Variants in OSMR observed in about 807,000 individuals in gnomAD.
OSMR encodes the protein oncostatin M receptor, also known as oncostatin-M-specific receptor subunit beta.
A neutral mutation model predicts 99.9 loss-of-function variants in OSMR; 81 were observed. The ratio of observed to expected loss-of-function variants is 0.81; its 90% CI spans 0.68 to 0.97. OSMR has a LOEUF of 0.97. OSMR is among the 50% of genes least tolerant of loss of function. The pLI is 0.00. For synonymous variants in OSMR, 406 were observed against 410.4 expected (o/e 0.99, Z 0.13); for missense variants, 1,099 against 1,153.4 (o/e 0.95, Z 0.68).
At chr5:38,942,978 T>G in intron 1 of OSMR, 1 of 1,590,272 alleles carries the variant, frequency 6.3e-7, no homozygotes. Context: ...AATTCTAAAA[T>G]AAAAGATTAT....
In OSMR at chr5:38,904,004, G is replaced by A. The variant is rs374234059; in HGVS notation, c.1114G>A (p.Gly372Ser). The A allele has an allele frequency of 2.5e-6, 4 of 1,613,962 alleles. No homozygotes were observed. The highest frequency in any genetic ancestry group is 4.5e-5 in the East Asian group (2 of 44,854). The change falls in exon 8 of 18, where the codon GGT (glycine) becomes AGT (serine). Residue 372 changes from glycine (G) to serine (S), a missense_variant. Transcript: ENST00000274276. ...FTYLCQIELH[G>S]EGKMMQYNVS... is the part of the protein sequence containing the mutation. ...ATATTTGTGTCAGATTGAACTCCAT[G>A]GTGAAGGAAAAATGATGCAAGTAAG... is the stretch of plus-strand genomic sequence containing the variant.
chr5:38,886,432 C>CT (rs1743777703), intron 7 of OSMR: 1 of 1,058,678 alleles, frequency 9.4e-7, no homozygotes, highest in South Asian at 2.3e-5. Context: ...AACTAGGACT[C>CT]TAACAATAAC....
intron 12 of OSMR, among the ~76,000 whole-genome samples, chr5:38,922,496 AG>A (rs1462894700): frequency 6.6e-6 from 1 of 152,076 alleles, no homozygotes; most frequent in Non-Finnish European, 1.5e-5. Context: ...AAATAACTGG[AG>A]GGGGATTTGG....
chr5:38,885,259 C>T (rs1743621757), intron 5 of OSMR, 90 bp from the exon 6 acceptor site: 2 of 1,590,874 alleles, frequency 1.3e-6, no homozygotes, highest in East Asian at 2.3e-5. Context: ...CACAGTAACT[C>T]TGTGGCTTCA....
intron 9 of OSMR, among the ~76,000 whole-genome samples, chr5:38,916,302 G>C (rs1360729369): frequency 6.6e-6 from 1 of 152,140 alleles, no homozygotes; most frequent in East Asian, 1.9e-4. Context: ...TGTCATGCAA[G>C]CTGAGCCTTC....
chr5:38,906,843 C>A (rs1226317581), intron 9 of OSMR, among the ~76,000 whole-genome samples: 2 of 152,012 alleles, frequency 1.3e-5, no homozygotes, highest in Admixed American at 6.6e-5. Flanking sequence ...TGAATCAGAT[C>A]AAAAATTACT....
intron 12 of OSMR, 106 bp downstream of exon 12, chr5:38,921,900 T>G: frequency 1.0e-6 from 1 of 956,264 alleles, no homozygotes; most frequent in Non-Finnish European, 1.7e-6. Flanking sequence ...AAGCTAGTAA[T>G]TTTGAAACGA....
rs1746930265 is a variant in OSMR at position 38,934,580 on chromosome 5, A to G, written c.*1136A>G. The G allele has an allele frequency of 6.6e-6, 1 of 152,120 alleles. No homozygotes were observed. The highest frequency in any genetic ancestry group is 1.5e-5 in the Non-Finnish European group (1 of 68,036). 9.4% of individuals were successfully genotyped at this position (152,120 alleles called of 1,614,324 possible). A position where few individuals can be genotyped will look rare whatever the true frequency, so the allele number is the denominator to read the frequency against. ...TTTTGGTGCAATCTCAGCTCACTGC[A>G]GCTTCCGCCTCCTAGATTCAAACAA... On this transcript the variant is annotated 3_prime_UTR_variant, in exon 18 of 18. Coordinates refer to ENST00000274276, the MANE Select transcript of OSMR (RefSeq NM_003999.3).
chr5:38,903,831 T>G, intron 7 of OSMR, 51 bp from the exon 8 acceptor site: 6 of 1,580,124 alleles, frequency 3.8e-6, no homozygotes, highest in Non-Finnish European at 5.2e-6. Context: ...TACCAATGTC[T>G]TTTTGGATCT....
At chr5:38,938,436 G>A, downstream of OSMR, 1 of 231,274 alleles carries the variant, frequency 4.3e-6, no homozygotes, top group African/African-American at 2.2e-5. Flanking sequence ...TGCATTTTGT[G>A]CTAAATCAAC....
chr5:38,850,221 T>C (rs776918711), intron 1 of OSMR, among the ~76,000 whole-genome samples: 9 of 152,232 alleles, frequency 5.9e-5, no homozygotes, highest in Non-Finnish European at 1.2e-4. Flanking sequence ...GTGATGTCAA[T>C]ACTGCTGGTC....
intron 1 of OSMR, among the ~76,000 whole-genome samples, chr5:38,852,718 ATTTTTTTTTTTTTT>A (rs61559728): frequency 0.022 from 1,567 of 70,746 alleles, 47 homozygotes; most frequent in African/African-American, 0.073. Flanking sequence ...TATTGTTTTC[ATTTTTTTTTTTTTT>A]TTTTTTTTTT....
chr5:38,860,112 A>T (rs1027309174), intron 1 of OSMR, among the ~76,000 whole-genome samples: 10 of 152,198 alleles, frequency 6.6e-5, no homozygotes, highest in African/African-American at 2.2e-4. Context: ...TATGTTGAAT[A>T]TGAGTTGTAA....
intron 5 of OSMR, among the ~76,000 whole-genome samples, chr5:38,884,723 G>A (rs1214758269): frequency 1.3e-5 from 2 of 152,194 alleles, no homozygotes; most frequent in East Asian, 3.8e-4. Flanking sequence ...ATACATTAGT[G>A]GAGTGGGAAC....
intron 3 of OSMR, among the ~76,000 whole-genome samples, chr5:38,877,674 G>A (rs1742945363): frequency 6.6e-6 from 1 of 152,144 alleles, no homozygotes; most frequent in African/African-American, 2.4e-5. Flanking sequence ...AAGAAAAATT[G>A]AGGTGGAAGT....
At chr5:38,898,778 T>C (rs1465695898) in intron 7 of OSMR, among the ~76,000 whole-genome samples, 1 of 151,990 alleles carries the variant, frequency 6.6e-6, no homozygotes, top group Non-Finnish European at 1.5e-5. Context: ...GTTATACATA[T>C]TTTTTTAAAA....
chr5:38,875,275 C>T (rs1742723241), intron 2 of OSMR, among the ~76,000 whole-genome samples: 1 of 152,186 alleles, frequency 6.6e-6, no homozygotes. Context: ...AATTATTTTA[C>T]AATCTATATG....
chr5:38,887,217 C>A (rs925752449), intron 7 of OSMR, among the ~76,000 whole-genome samples: 1 of 152,008 alleles, frequency 6.6e-6, no homozygotes, highest in East Asian at 1.9e-4. Context: ...TTTTATATGT[C>A]TATTGATTAA....
chr5:38,892,879 A>C (rs1204934474), intron 7 of OSMR, among the ~76,000 whole-genome samples: 1 of 151,144 alleles, frequency 6.6e-6, no homozygotes, highest in African/African-American at 2.4e-5. Context: ...CCCTACCCCT[A>C]CAGAGACCTA....
Sources: gnomAD v4.1 joint callset for allele counts (sites outside exome capture counted in the v4.1 genomes callset) on GRCh38, gnomAD v4.1.1 for gene constraint, MANE v1.5 for transcripts, NCBI Gene and HGNC (gene_info 2026-07-23, HGNC 2026-07-21) for gene names.